NAMPT: variants seen among roughly 807,000 people sequenced by gnomAD.
NAMPT encodes the protein NAmPRTase.
In NAMPT, 7 loss-of-function variants were observed where a neutral mutation model predicts 58.7. That is an observed-to-expected ratio of 0.12 (90% CI 0.07 to 0.22). The LOEUF (loss-of-function observed/expected upper bound fraction) is 0.22. Among genes scored for constraint, NAMPT ranks in the 10% least tolerant of loss-of-function variants. The pLI is 1.00. For synonymous variants in NAMPT, 145 were observed against 198.1 expected, an observed-to-expected ratio of 0.73 and a Z score of 2.25; for missense variants, 271 against 567.9, an observed-to-expected ratio of 0.48 and a Z score of 5.31.
chr7:106,279,293 T>TTAGAA (rs1792711655), intron 1 of NAMPT, among the ~76,000 whole-genome samples: 1 of 152,222 alleles, frequency 6.6e-6, no homozygotes, highest in South Asian at 2.1e-4. Context: ...GAGTATCGTT[T>TTAGAA]TAGAATATAG....
chr7:106,283,075 CA>C (rs1353404382), intron 1 of NAMPT, among the ~76,000 whole-genome samples: 4 of 152,114 alleles, frequency 2.6e-5, no homozygotes, highest in African/African-American at 9.7e-5. Flanking sequence ...TGGTATAAAA[CA>C]TATCGACTTG....
chr7:106,262,271 C>T (rs538677817), intron 7 of NAMPT, among the ~76,000 whole-genome samples: 1 of 152,084 alleles, frequency 6.6e-6, no homozygotes, highest in Non-Finnish European at 1.5e-5. Context: ...TACTCATTCA[C>T]TAACTACTAA....
At position 106,272,609 on chromosome 7, in the gene NAMPT, A is replaced by C. The variant is rs1173509100; in HGVS notation, c.368T>G (p.Phe123Cys). 4 of 1,613,300 alleles carry C rather than the reference A, an allele frequency of 2.5e-6. No individual in the cohort carries two copies. The highest frequency in any genetic ancestry group is 3.4e-6 in the Non-Finnish European group (4 of 1,179,512). The change falls in exon 4 of 11, where the codon TTT becomes TGT. Residue 123 changes from phenylalanine (F) to cysteine (C), a missense_variant. This residue lies in a region of NAMPT where 103 missense variants were observed against 194.2 expected (regional missense o/e 0.53). Coordinates refer to ENST00000222553, the MANE Select transcript of NAMPT (RefSeq NM_005746.3). Reference sequence around the variant, plus strand: ...GAGAACATTTCCTCTGGGAATGACAAAGCCCTCAGGAACAGCTTTTATTTC... The same window carrying C: ...GAGAACATTTCCTCTGGGAATGACACAGCCCTCAGGAACAGCTTTTATTTC... ...PIEIKAVPEG[F>C]VIPRGNVLFT...
chr7:106,267,870 A>AAAAAC (rs1792454509), intron 6 of NAMPT, among the ~76,000 whole-genome samples: 1 of 136,436 alleles, frequency 7.3e-6, no homozygotes, highest in Non-Finnish European at 1.6e-5. Flanking sequence ...AAAAAAAAAA[A>AAAAAC]AAAAAACAAC....
At position 106,248,387 on chromosome 7, in the gene NAMPT, G is replaced by A. The variant is rs1405760304; in HGVS notation, c.*2696C>T. On this transcript the variant is annotated 3_prime_UTR_variant, in exon 11 of 11. Transcript: ENST00000222553. Reference sequence around the variant, plus strand: ...AGAATAGACTTAACATACAACTTGGGAGAAAAGCTGACATTCTCCACTGAA... The same window carrying A: ...AGAATAGACTTAACATACAACTTGGAAGAAAAGCTGACATTCTCCACTGAA... 6.6e-6 allele frequency: 1 copy of A among 152,456 alleles called. No homozygotes were observed. Among genetic ancestry groups the A allele is most frequent in the Non-Finnish European group, 1.5e-5 (1 of 67,976 alleles). The allele number at this position is 152,456 out of a possible 1,614,324, so 9.4% of individuals were successfully genotyped here. A position where few individuals can be genotyped will look rare whatever the true frequency, so the allele number is the denominator to read the frequency against.
intron 3 of NAMPT, among the ~76,000 whole-genome samples, chr7:106,273,889 A>G (rs186538456): frequency 2.6e-5 from 4 of 152,016 alleles, no homozygotes; most frequent in African/African-American, 9.7e-5. Context: ...CATGAAAGTT[A>G]AAGTATTTCT....
Position 106,249,715 on chromosome 7 carries a change from T to C in NAMPT, c.*1368A>G, listed in dbSNP as rs1185965777. The C allele has an allele frequency of 3.9e-5, 6 of 152,068 alleles. No individual in the cohort carries two copies. In the East Asian group the frequency reaches 5.8e-4, roughly 15 times the overall value. The allele number at this position is 152,068 out of a possible 1,614,324, so 9.4% of individuals were successfully genotyped here. On this transcript the variant is annotated 3_prime_UTR_variant, in exon 11 of 11. Coordinates refer to ENST00000222553, the MANE Select transcript of NAMPT (RefSeq NM_005746.3). ...GGCTGGAGTAGTGGGAAAGCAGCCA[T>C]AGACAATCTGCATTTATAAAAAGAA...
At chr7:106,259,988 T>C (rs1792275727) in intron 8 of NAMPT, among the ~76,000 whole-genome samples, 1 of 152,066 alleles carries the variant, frequency 6.6e-6, no homozygotes, top group Non-Finnish European at 1.5e-5. Context: ...TTGTTCCATT[T>C]ATAAAGCACA....
At chr7:106,263,813 A>C (rs1284320317) in intron 6 of NAMPT, among the ~76,000 whole-genome samples, 196 bp from the exon 7 acceptor site, 1 of 152,062 alleles carries the variant, frequency 6.6e-6, no homozygotes, top group Non-Finnish European at 1.5e-5. Context: ...ATTAGTTTTT[A>C]ACGCTTTAAG....
chr7:106,260,280 G>A (rs542228104), intron 8 of NAMPT, among the ~76,000 whole-genome samples: 30 of 152,304 alleles, frequency 2.0e-4, no homozygotes, highest in African/African-American at 6.7e-4. Flanking sequence ...ATCAGCACTT[G>A]CTGCTTCATT....
intron 1 of NAMPT, among the ~76,000 whole-genome samples, chr7:106,282,694 T>C (rs1351016836): frequency 2.0e-5 from 3 of 152,248 alleles, no homozygotes; most frequent in African/African-American, 4.8e-5. Context: ...ATGTGCTTGC[T>C]ACCATACCAT....
At chr7:106,283,714 CTCGATT>C (rs1792808601) in intron 1 of NAMPT, among the ~76,000 whole-genome samples, 1 of 152,098 alleles carries the variant, frequency 6.6e-6, no homozygotes, top group Non-Finnish European at 1.5e-5. Flanking sequence ...TGGATCTTGG[CTCGATT>C]TCAAGAACCT....
rs1385709412 is a variant in NAMPT, at chr7:106,248,523, T to A, written c.*2560A>T. 1 of 152,352 alleles carries A rather than the reference T, an allele frequency of 6.6e-6. No individual in the cohort carries two copies. Among genetic ancestry groups the A allele is most frequent in the Non-Finnish European group, 1.5e-5 (1 of 67,994 alleles). The allele number at this position is 152,352 out of a possible 1,614,324, so 9.4% of individuals were successfully genotyped here. ...TTTCTTTCTAATTTTCCAAGATAGA[T>A]TTCATTATAAAAATTGTTTGATAAC... On this transcript the variant is annotated 3_prime_UTR_variant, in exon 11 of 11. Coordinates refer to ENST00000222553, the MANE Select transcript of NAMPT (RefSeq NM_005746.3).
rs967756260 is a variant in NAMPT at position 106,261,766 on chromosome 7, C to T, written c.970-59G>A. 3.3e-6 allele frequency: 5 copies of T among 1,512,174 alleles called. No homozygotes were observed. The Admixed American group carries it at 9.4e-5, about 28-fold the overall frequency. The allele number at this position is 1,512,174 out of a possible 1,614,324, so 93.7% of individuals were successfully genotyped here. A position where few individuals can be genotyped will look rare whatever the true frequency, so the allele number is the denominator to read the frequency against. ...CTAAAGCTGAAAACAAGTATAAGAG[C>T]TTTTCAAAGTTAAATGATTTTGCTT... On this transcript the variant is annotated intron_variant, in intron 7 of 10. Transcript: ENST00000222553.
chr7:106,272,432 G>C, intron 4 of NAMPT, 98 bp downstream of exon 4: 1 of 1,105,234 alleles, frequency 9.0e-7, no homozygotes, highest in African/African-American at 1.6e-5. Context: ...AATTATAGGA[G>C]ATTATATAGC....
chr7:106,285,130 C>T (rs561584908), upstream of NAMPT: 13 of 1,303,614 alleles, frequency 1.0e-5, no homozygotes, highest in African/African-American at 1.2e-4. Flanking sequence ...GACTCCCCAC[C>T]TCGGTTCCCC....
At chr7:106,277,405 C>T (rs1391698946) in intron 1 of NAMPT, among the ~76,000 whole-genome samples, 1 of 152,194 alleles carries the variant, frequency 6.6e-6, no homozygotes, top group Non-Finnish European at 1.5e-5. Context: ...TACAAGCACA[C>T]TAAATCTACT....
In NAMPT at chr7:106,251,039, A is replaced by C. The variant is rs1304519593; in HGVS notation, c.*44T>G. ...CAAACCCCACACATCTGTACAATAA[A>C]CATTATGTATTACATACACACAACA... On this transcript the variant is annotated 3_prime_UTR_variant, in exon 11 of 11. Coordinates refer to ENST00000222553, the MANE Select transcript of NAMPT (RefSeq NM_005746.3). 7.3e-7 allele frequency: 1 copy of C among 1,363,946 alleles called. No homozygotes were observed. Among genetic ancestry groups the C allele is most frequent in the Non-Finnish European group, 1.0e-6 (1 of 953,682 alleles). The allele number at this position is 1,363,946 out of a possible 1,614,324, so 84.5% of individuals were successfully genotyped here. A position where few individuals can be genotyped will look rare whatever the true frequency, so the allele number is the denominator to read the frequency against.
intron 6 of NAMPT, among the ~76,000 whole-genome samples, chr7:106,264,795 A>T (rs1340715377): frequency 6.6e-6 from 1 of 152,130 alleles, no homozygotes; most frequent in East Asian, 1.9e-4. Context: ...TTTATTATAA[A>T]GCCCAAGTAG....
Sources: allele counts gnomAD v4.1 joint callset (sites outside exome capture counted in the v4.1 genomes callset), GRCh38; gene constraint gnomAD v4.1.1; regional missense constraint gnomAD v4.1.1; transcripts MANE v1.5; gene names NCBI Gene and HGNC (gene_info 2026-07-23, HGNC 2026-07-21).